Variants in DTNB observed in about 807,000 individuals in gnomAD.
The protein encoded by DTNB is DTN-B.
In DTNB, 63 loss-of-function variants were observed where a neutral mutation model predicts 90.7. The ratio of observed to expected loss-of-function variants is 0.69; its 90% CI spans 0.57 to 0.86. DTNB has a LOEUF of 0.86. Ranked by LOEUF, DTNB falls within the 40% of genes least tolerant of loss-of-function variation. DTNB has a pLI of 0.00. For missense variants in DTNB, 744 were observed against 807.1 expected (o/e 0.92, Z 0.95); for synonymous variants, 277 against 286.7 (o/e 0.97, Z 0.34).
At chr2:25,586,091 T>G (rs2062346386) in intron 6 of DTNB, among the ~76,000 whole-genome samples, 2 of 152,332 alleles carry the variant, frequency 1.3e-5, no homozygotes, top group African/African-American at 4.8e-5. Context: ...TTATTTCCTT[T>G]GAAAAAATCA....
rs898782313 is a variant in DTNB at position 25,630,759 on chromosome 2, G to A, written c.149-2375C>T. ...CTCAGGAGGCTGAGGCAGGAAAATCGCTTAAACCTGGGAGGCGGAGCTTGC... is the reference window on the plus strand; with the variant it reads ...CTCAGGAGGCTGAGGCAGGAAAATCACTTAAACCTGGGAGGCGGAGCTTGC... On this transcript the variant is annotated intron_variant, in intron 3 of 20. Coordinates refer to ENST00000406818, the MANE Select transcript of DTNB (RefSeq NM_021907.5). Among the ~76,000 whole-genome samples, 12 of 144,930 alleles carry A rather than the reference G, an allele frequency of 8.3e-5. No homozygotes were observed. The East Asian group carries it at 2.2e-3, about 26-fold the overall frequency.
chr2:25,586,325 A>G (rs1204670342), intron 6 of DTNB, among the ~76,000 whole-genome samples: 1 of 151,718 alleles, frequency 6.6e-6, no homozygotes, highest in East Asian at 1.9e-4. Flanking sequence ...AGCTTGGCCA[A>G]CATGGTGAAA....
At chr2:25,461,473 TAACA>T (rs1198065806) in intron 10 of DTNB, among the ~76,000 whole-genome samples, 1 of 152,216 alleles carries the variant, frequency 6.6e-6, no homozygotes, top group African/African-American at 2.4e-5. Context: ...AACCCCCAAC[TAACA>T]AACAAGGTTT....
At chr2:25,461,549 T>C (rs2060949255) in intron 10 of DTNB, among the ~76,000 whole-genome samples, 1 of 152,168 alleles carries the variant, frequency 6.6e-6, no homozygotes, top group Admixed American at 6.5e-5. Flanking sequence ...TTTTTTCCTA[T>C]AAAAACAAGA....
At chr2:25,518,516 C>T (rs1034840331) in intron 9 of DTNB, among the ~76,000 whole-genome samples, 2 of 152,032 alleles carry the variant, frequency 1.3e-5, no homozygotes, top group African/African-American at 2.4e-5. Flanking sequence ...CACAGAGGTA[C>T]CACACATATA....
chr2:25,537,832 A>G (rs1421946440), intron 8 of DTNB, among the ~76,000 whole-genome samples: 2 of 152,214 alleles, frequency 1.3e-5, no homozygotes, highest in Non-Finnish European at 2.9e-5. Context: ...GGGAGCGAGG[A>G]CAGAAGAAGA....
chr2:25,439,802 T>C (rs1271349592), intron 12 of DTNB, among the ~76,000 whole-genome samples: 1 of 152,188 alleles, frequency 6.6e-6, no homozygotes, highest in African/African-American at 2.4e-5. Flanking sequence ...TGATATAATG[T>C]AGGAGGCAGC....
chr2:25,565,701 G>A (rs2058928071), intron 8 of DTNB, among the ~76,000 whole-genome samples: 1 of 151,612 alleles, frequency 6.6e-6, no homozygotes, highest in African/African-American at 2.4e-5. Context: ...CCTTTAGTCT[G>A]TTAACAAGGT....
intron 15 of DTNB, among the ~76,000 whole-genome samples, chr2:25,419,912 A>T (rs1250716329): frequency 2.0e-5 from 3 of 152,162 alleles, no homozygotes. Context: ...TGTAATAATA[A>T]TTCTATATTC....
intron 6 of DTNB, among the ~76,000 whole-genome samples, chr2:25,594,261 A>G (rs140256326): frequency 4.9e-4 from 74 of 152,336 alleles, no homozygotes; most frequent in Non-Finnish European, 8.2e-4. Flanking sequence ...AAGCATGGAG[A>G]TATTTTTAAT....
Position 25,603,267 on chromosome 2 carries a change from G to A in DTNB, c.448+3969C>T, listed in dbSNP as rs115090598. Among the ~76,000 whole-genome samples the A allele has an allele frequency of 2.4e-3, 372 of 152,242 alleles. 2 individuals are homozygous for A. The highest frequency in any genetic ancestry group is 8.4e-3 in the African/African-American group (348 of 41,546). ...AATTAAGCATGTTTTAATACATAAT[G>A]GGCTTTACAGTCTACAAATTTTGTT... On this transcript the variant is annotated intron_variant, in intron 5 of 20. Coordinates refer to ENST00000406818, the MANE Select transcript of DTNB (RefSeq NM_021907.5).
At chr2:25,430,233 T>C (rs759114233) in intron 14 of DTNB, among the ~76,000 whole-genome samples, 26 of 152,328 alleles carry the variant, frequency 1.7e-4, no homozygotes, top group Non-Finnish European at 3.1e-4. Context: ...CAATATTTTT[T>C]AACTATCAAA....
chr2:25,628,271 T>G lies in DTNB; in HGVS notation c.262A>C (p.Ile88Leu), dbSNP rs1266792751. The G allele has an allele frequency of 6.2e-7, 1 of 1,612,796 alleles. No individual in the cohort carries two copies. Among genetic ancestry groups the G allele is most frequent in the Non-Finnish European group, 8.5e-7 (1 of 1,179,738 alleles). The change falls in exon 4 of 21, where the codon ATC (isoleucine) becomes CTC (leucine). Residue 88 changes from isoleucine (I) to leucine (L), a missense_variant. Coordinates refer to ENST00000406818, the MANE Select transcript of DTNB (RefSeq NM_021907.5). ...AGGCGCTTGTTCAACTGATAGTAGA[T>G]GGAGGAGATGACAGTTTCGAGGCGG... ...VSRLETVISS[I>L]YYQLNKRLPS...
intron 19 of DTNB, among the ~76,000 whole-genome samples, chr2:25,380,626 G>A (rs72613822): frequency 0.027 from 4,161 of 152,344 alleles, 81 homozygotes; most frequent in East Asian, 0.073. Context: ...AGGGCAAGAG[G>A]CACAGAAAGA....
rs749495464 is a variant in DTNB at position 25,531,468 on chromosome 2, C to G, written c.1001+5G>C. The G allele has an allele frequency of 5.0e-6, 8 of 1,612,316 alleles. No homozygotes were observed. The Admixed American group carries it at 1.2e-4, about 24-fold the overall frequency. ...ATCCACATGCACATCCAGGGGTATACTTACACTATATGTGCAAGGTCAAGT... is the reference window on the plus strand; with the variant it reads ...ATCCACATGCACATCCAGGGGTATAGTTACACTATATGTGCAAGGTCAAGT... On this transcript the variant is annotated splice_donor_5th_base_variant and intron_variant, in intron 9 of 20. Transcript: ENST00000406818.
rs1200253760 is a variant in DTNB at position 25,451,582 on chromosome 2, T to C, written c.1223A>G (p.Tyr408Cys). Residue 408 changes from tyrosine (Y) to cysteine (C), a missense_variant, in exon 12 of 21, where the codon TAT becomes TGT. By Grantham distance (194) the Tyr-to-Cys change is radical. Coordinates refer to ENST00000406818, the MANE Select transcript of DTNB (RefSeq NM_021907.5). The stretch of plus-strand genomic sequence containing the variant: ...TGCTTCTGCAGCCAGCCGGGCAGCA[T>C]AGCGAGCTATAAGACGGTGTTCCTC... ...LDEEHRLIAR[Y>C]AARLAAEAGN... 14 of 1,609,160 alleles carry C rather than the reference T, an allele frequency of 8.7e-6. No individual in the cohort carries two copies. Among genetic ancestry groups the C allele is most frequent in the Admixed American group, 1.7e-5 (1 of 59,456 alleles).
Position 25,426,328 on chromosome 2 carries a change from T to C in DTNB, c.1554+1207A>G, listed in dbSNP as rs563587740. On this transcript the variant is annotated intron_variant, in intron 15 of 20. Coordinates refer to ENST00000406818, the MANE Select transcript of DTNB (RefSeq NM_021907.5). The stretch of plus-strand genomic sequence containing the variant: ...ACATGAGCAGCATCATCCAATCCAC[T>C]GAGGACTTGGATAGAAGAAATCGCT... Among the ~76,000 whole-genome samples the C allele has an allele frequency of 3.9e-5, 6 of 152,334 alleles. No homozygotes were observed. In the East Asian group the frequency reaches 1.2e-3, roughly 29 times the overall value.
At chr2:25,630,377 C>A (rs150618829) in intron 3 of DTNB, among the ~76,000 whole-genome samples, 140 of 152,352 alleles carry the variant, frequency 9.2e-4, no homozygotes, top group African/African-American at 3.2e-3. Context: ...AGCAATTCCA[C>A]TCCTACAGAA....
At chr2:25,439,670 C>T (rs546993278) in intron 12 of DTNB, among the ~76,000 whole-genome samples, 2 of 152,162 alleles carry the variant, frequency 1.3e-5, no homozygotes, top group South Asian at 4.2e-4. Flanking sequence ...AGTAGGGAGA[C>T]GAATTAGTAA....
Sources: gnomAD v4.1 joint callset for allele counts (sites outside exome capture counted in the v4.1 genomes callset) on GRCh38, gnomAD v4.1.1 for gene constraint, MANE v1.5 for transcripts, NCBI Gene and HGNC (gene_info 2026-07-23, HGNC 2026-07-21) for gene names.